Variants in MFSD6 observed in about 807,000 individuals in gnomAD.
MFSD6 encodes the protein major facilitator superfamily domain-containing protein 6.
In MFSD6, 26 loss-of-function variants were observed where a neutral mutation model predicts 56.3. That is an observed-to-expected ratio of 0.46 (90% CI 0.34 to 0.64). The LOEUF (loss-of-function observed/expected upper bound fraction) is 0.64, where lower values mean the gene tolerates loss of function less well. Ranked by LOEUF, MFSD6 falls within the 30% of genes least tolerant of loss-of-function variation. The probability of loss-of-function intolerance (pLI) is 0.01; values close to 1 mark genes in which losing one functional copy is unlikely to be tolerated. For missense variants in MFSD6, 750 were observed against 986.2 expected (o/e 0.76, Z 3.21); for synonymous variants, 331 against 366.9 (o/e 0.90, Z 1.12).
rs1575814213 is a variant in MFSD6, at chr2:190,415,363, T to A, written c.-104T>A. On this transcript the variant is annotated 5_prime_UTR_variant, in exon 2 of 8. Coordinates refer to ENST00000392328, the MANE Select transcript of MFSD6 (RefSeq NM_017694.4). The surrounding 1 kb of genome is among the most constrained non-coding windows in gnomAD (Gnocchi z 4.5). ...CTAGCTCACTGCAGCCTTGAACCCC[T>A]GGGCTCAAGTGATTCTCCTGCCTTG... 6.6e-6 allele frequency: 1 copy of A among 152,150 alleles called. No homozygotes were observed. Among genetic ancestry groups the A allele is most frequent in the East Asian group, 1.9e-4 (1 of 5,196 alleles). The allele number at this position is 152,150 out of a possible 1,614,324, so 9.4% of individuals were successfully genotyped here.
chr2:190,426,961 A>G lies in MFSD6; in HGVS notation c.-53-9016A>G, dbSNP rs1340735287. On this transcript the variant is annotated intron_variant, in intron 2 of 7. Coordinates refer to ENST00000392328, the MANE Select transcript of MFSD6 (RefSeq NM_017694.4). The surrounding 1 kb of genome is among the most constrained non-coding windows in gnomAD (Gnocchi z 4.7). The stretch of plus-strand genomic sequence containing the variant: ...AGTTCCTCACTCAGCCTCTTTGGAT[A>G]CCTGAAGGTGAAAGACTTTTCATTA... 2.6e-5 allele frequency among the ~76,000 whole-genome samples: 4 copies of G among 152,206 alleles called. No individual in the cohort carries two copies. The highest frequency in any genetic ancestry group is 7.2e-5 in the African/African-American group (3 of 41,448).
At chr2:190,486,403 A>G (rs925588902) in intron 4 of MFSD6, among the ~76,000 whole-genome samples, 2 of 152,220 alleles carry the variant, frequency 1.3e-5, no homozygotes, top group Non-Finnish European at 2.9e-5. Flanking sequence ...TCTCCCTATG[A>G]TGCTATCTCC....
rs889362623 is a variant in MFSD6, at chr2:190,418,994, A to G, written c.-54+3581A>G. Among the ~76,000 whole-genome samples the G allele has an allele frequency of 1.3e-5, 2 of 152,198 alleles. No individual in the cohort carries two copies. The highest frequency in any genetic ancestry group is 4.8e-5 in the African/African-American group (2 of 41,444). ...TGCCATAAAGGAACCATGTCACAAT[A>G]CCCTGAAAGGAAGAGGAAGATTCCA... On this transcript the variant is annotated intron_variant, in intron 2 of 7. Transcript: ENST00000392328. This position sits in a 1 kb window ranked among gnomAD's most constrained non-coding sequence, Gnocchi z 4.1.
rs188158647 is a variant in MFSD6 at position 190,500,422 on chromosome 2, T to C, written c.*204T>C. ...GAAAAGGTAAACTTTCGTAATCTCA[T>C]TGGAATTACAACAGGGAAATGGAGT... On this transcript the variant is annotated 3_prime_UTR_variant, in exon 8 of 8. Transcript: ENST00000392328. This position sits in a 1 kb window ranked among gnomAD's most constrained non-coding sequence, Gnocchi z 5.3. 592 of 596,076 alleles carry C rather than the reference T, an allele frequency of 9.9e-4. 1 individual carries two copies. Among genetic ancestry groups the C allele is most frequent in the Non-Finnish European group, 1.1e-3 (375 of 341,152 alleles). 36.9% of individuals were successfully genotyped at this position (596,076 alleles called of 1,614,324 possible). A position where few individuals can be genotyped will look rare whatever the true frequency, so the allele number is the denominator to read the frequency against.
In MFSD6 at chr2:190,437,124, C is replaced by T. The variant is rs1407648969; in HGVS notation, c.1095C>T (p.Tyr365=). 1.2e-6 allele frequency: 2 copies of T among 1,614,250 alleles called. No homozygotes were observed. The highest frequency in any genetic ancestry group is 2.2e-5 in the East Asian group (1 of 44,886). The part of the protein sequence containing the change: ...IDGKGCKPPE[Y]RNYQIVFIVF... ...GAAAGGGGTGTAAGCCCCCCGAGTACAGGAATTACCAGATCGTCTTCATCG... is the reference window on the plus strand; with the variant it reads ...GAAAGGGGTGTAAGCCCCCCGAGTATAGGAATTACCAGATCGTCTTCATCG... The change falls in exon 3 of 8, where the codon TAC becomes TAT. Residue 365 remains tyrosine (Y), a synonymous_variant. Coordinates refer to ENST00000392328, the MANE Select transcript of MFSD6 (RefSeq NM_017694.4). The surrounding 1 kb of genome is among the most constrained non-coding windows in gnomAD (Gnocchi z 5.9).
At chr2:190,482,903 T>TTTTG (rs544591315) in intron 4 of MFSD6, among the ~76,000 whole-genome samples, 3,172 of 85,982 alleles carry the variant, frequency 0.037, 1,160 homozygotes, top group East Asian at 0.1. Context: ...TTTTTTTTTT[T>TTTTG]AGACGGAGTC....
At position 190,431,352 on chromosome 2, in the gene MFSD6, G is replaced by C. The variant is rs568012443; in HGVS notation, c.-53-4625G>C. Among the ~76,000 whole-genome samples, 7 of 152,334 alleles carry C rather than the reference G, an allele frequency of 4.6e-5. No homozygotes were observed. The East Asian group carries it at 1.2e-3, about 25-fold the overall frequency. Reference sequence around the variant, plus strand: ...TCGGCACTTTGGGAGGCCAAGGCAGGCAGCTGGGAGGTGGAGGTTGTAGCG... The same window carrying C: ...TCGGCACTTTGGGAGGCCAAGGCAGCCAGCTGGGAGGTGGAGGTTGTAGCG... On this transcript the variant is annotated intron_variant, in intron 2 of 7. Coordinates refer to ENST00000392328, the MANE Select transcript of MFSD6 (RefSeq NM_017694.4). The surrounding 1 kb of genome is among the most constrained non-coding windows in gnomAD (Gnocchi z 4.4).
rs1285637704 is a variant in MFSD6 at position 190,465,559 on chromosome 2, AAG to A, written c.1533-4197_1533-4196del. On this transcript the variant is annotated intron_variant, in intron 3 of 7. Coordinates refer to ENST00000392328, the MANE Select transcript of MFSD6 (RefSeq NM_017694.4). This position sits in a 1 kb window ranked among gnomAD's most constrained non-coding sequence, Gnocchi z 4.6. ...ACATATGCTCATATTCAGCATAAAA[AAG>A]AATTTGATTGTCTAGAAAATGATCC... Among the ~76,000 whole-genome samples the A allele has an allele frequency of 1.3e-5, 2 of 152,206 alleles. No individual in the cohort carries two copies. The highest frequency in any genetic ancestry group is 2.9e-5 in the Non-Finnish European group (2 of 68,048).
chr2:190,484,789 T>G (rs1354532445), intron 4 of MFSD6, among the ~76,000 whole-genome samples: 3 of 152,188 alleles, frequency 2.0e-5, no homozygotes, highest in African/African-American at 7.2e-5. Flanking sequence ...TTTAATTGCT[T>G]CTTCACTTAT....
In MFSD6 at chr2:190,436,996, C is replaced by T. The variant is rs760049252; in HGVS notation, c.967C>T (p.Arg323Cys). The change falls in exon 3 of 8, where the codon CGC (arginine) becomes TGC (cysteine). Residue 323 changes from arginine (R) to cysteine (C), a missense_variant. Arg to Cys is a radical substitution (Grantham distance 180, BLOSUM62 -3). Transcript: ENST00000392328. The surrounding 1 kb of genome is among the most constrained non-coding windows in gnomAD (Gnocchi z 5.3). ...TLQYLGKHRD[R>C]YGLQRMWGSL... is the part of the protein sequence containing the mutation. ...CCAGTATCTGGGAAAACACAGAGAT[C>T]GCTATGGGTTGCAGCGCATGTGGGG... The T allele has an allele frequency of 8.1e-6, 13 of 1,614,106 alleles. No individual in the cohort carries two copies. The highest frequency in any genetic ancestry group is 1.7e-5 in the Admixed American group (1 of 60,004).
chr2:190,456,285 C>A lies in MFSD6; in HGVS notation c.1533-13473C>A, dbSNP rs1687035965. Among the ~76,000 whole-genome samples, 1 of 152,080 alleles carries A rather than the reference C, an allele frequency of 6.6e-6. No individual in the cohort carries two copies. Among genetic ancestry groups the A allele is most frequent in the South Asian group, 2.1e-4 (1 of 4,820 alleles). Reference sequence around the variant, plus strand: ...CTTGAAAAATCCATGACTTAAATTTCACTTCAGACAGAGAAGGTGTTTAGC... The same window carrying A: ...CTTGAAAAATCCATGACTTAAATTTAACTTCAGACAGAGAAGGTGTTTAGC... On this transcript the variant is annotated intron_variant, in intron 3 of 7. Coordinates refer to ENST00000392328, the MANE Select transcript of MFSD6 (RefSeq NM_017694.4). The surrounding 1 kb of genome is among the most constrained non-coding windows in gnomAD (Gnocchi z 5.4).
chr2:190,421,691 G>A (rs1450531345), intron 2 of MFSD6, among the ~76,000 whole-genome samples: 18 of 151,868 alleles, frequency 1.2e-4, no homozygotes, highest in Admixed American at 1.2e-3. Flanking sequence ...AAGTAGCTGG[G>A]ACTGTAAGCA....
intron 1 of MFSD6, chr2:190,411,127 C>G (rs1690543243): frequency 1.0e-6 from 1 of 982,544 alleles, no homozygotes; most frequent in Non-Finnish European, 1.2e-6. Flanking sequence ...TACAGGCACA[C>G]ATACGCCTTT....
In MFSD6 at chr2:190,494,030, G is replaced by T. The variant is rs1301001274; in HGVS notation, c.1892-3409G>T. On this transcript the variant is annotated intron_variant, in intron 6 of 7. Coordinates refer to ENST00000392328, the MANE Select transcript of MFSD6 (RefSeq NM_017694.4). This position sits in a 1 kb window ranked among gnomAD's most constrained non-coding sequence, Gnocchi z 5.7. ...GATGAGAGAATAACTAAATGAAATTGAAGGAAAAAAAATACAAAAAATAAA... is the reference window on the plus strand; with the variant it reads ...GATGAGAGAATAACTAAATGAAATTTAAGGAAAAAAAATACAAAAAATAAA... 1.3e-5 allele frequency among the ~76,000 whole-genome samples: 2 copies of T among 151,510 alleles called. No homozygotes were observed. Among genetic ancestry groups the T allele is most frequent in the Non-Finnish European group, 2.9e-5 (2 of 67,862 alleles).
At chr2:190,474,741 A>G (rs916141211) in intron 4 of MFSD6, among the ~76,000 whole-genome samples, 1 of 152,254 alleles carries the variant, frequency 6.6e-6, no homozygotes, top group African/African-American at 2.4e-5. Flanking sequence ...CCTGATACCA[A>G]AGCCTGGCAC....
rs945368848 is a variant in MFSD6 at position 190,495,087 on chromosome 2, A to G, written c.1892-2352A>G. Among the ~76,000 whole-genome samples the G allele has an allele frequency of 1.3e-5, 2 of 152,192 alleles. No individual in the cohort carries two copies. Among genetic ancestry groups the G allele is most frequent in the Non-Finnish European group, 2.9e-5 (2 of 68,016 alleles). Reference sequence around the variant, plus strand: ...CGCTGTTTGCTGATGATAAGATTGTATACCTAGAAAACCCTAAAGACTCCT... The same window carrying G: ...CGCTGTTTGCTGATGATAAGATTGTGTACCTAGAAAACCCTAAAGACTCCT... On this transcript the variant is annotated intron_variant, in intron 6 of 7. Transcript: ENST00000392328. The surrounding 1 kb of genome is among the most constrained non-coding windows in gnomAD (Gnocchi z 4.7).
In MFSD6 at chr2:190,436,536, C is replaced by G. The variant is rs1360260481; in HGVS notation, c.507C>G (p.Pro169=). Residue 169 remains proline, a synonymous_variant, in exon 3 of 8, where the codon CCC becomes CCG. Coordinates refer to ENST00000392328, the MANE Select transcript of MFSD6 (RefSeq NM_017694.4). This position sits in a 1 kb window ranked among gnomAD's most constrained non-coding sequence, Gnocchi z 5.3. Reference sequence around the variant, plus strand: ...CAAAGATTCGCCCAACAACTCACCCCACCAATGCAAGTCACCAGTTAACTA... The same window carrying G: ...CAAAGATTCGCCCAACAACTCACCCGACCAATGCAAGTCACCAGTTAACTA... ...CVPKIRPTTH[P]TNASHQLTIL... is the part of the protein sequence containing the mutation. 1 of 1,614,224 alleles carries G rather than the reference C, an allele frequency of 6.2e-7. No individual in the cohort carries two copies. The highest frequency in any genetic ancestry group is 1.7e-5 in the Admixed American group (1 of 60,030).
At chr2:190,449,586 T>C (rs905368078) in intron 3 of MFSD6, among the ~76,000 whole-genome samples, 2 of 152,172 alleles carry the variant, frequency 1.3e-5, no homozygotes, top group Admixed American at 1.3e-4. Context: ...TGCGGCACTA[T>C]TCACAATAGC....
intron 2 of MFSD6, among the ~76,000 whole-genome samples, chr2:190,427,888 T>C (rs1219621679): frequency 1.3e-5 from 2 of 152,134 alleles, no homozygotes; most frequent in African/African-American, 4.8e-5. Flanking sequence ...CCTGCCACCA[T>C]GCCCAGCTAA....
Sources: gnomAD v4.1 joint callset for allele counts (sites outside exome capture counted in the v4.1 genomes callset) on GRCh38, gnomAD v4.1.1 for gene constraint, Gnocchi (gnomAD v3.1) non-coding constraint, MANE v1.5 for transcripts, NCBI Gene and HGNC (gene_info 2026-07-23, HGNC 2026-07-21) for gene names.